Variants in FHIT observed in about 807,000 individuals in gnomAD.
The protein encoded by FHIT is fragile histidine triad diadenosine triphosphatase.
A neutral mutation model predicts 17.9 loss-of-function variants in FHIT; 19 were observed. That is an observed-to-expected ratio of 1.06 (90% CI 0.74 to 1.56). The LOEUF (loss-of-function observed/expected upper bound fraction) is 1.56, where lower values mean the gene tolerates loss of function less well. Ranked by LOEUF, FHIT falls within the 40% of genes most tolerant of loss-of-function variation. The pLI is 0.00. For synonymous variants in FHIT, 81 were observed against 69.7 expected (o/e 1.16, Z -0.81); for missense variants, 248 against 189.2 (o/e 1.31, Z -1.82).
chr3:60,062,453 A>G (rs999794758), intron 5 of FHIT, among the ~76,000 whole-genome samples: 1 of 152,198 alleles, frequency 6.6e-6, no homozygotes, highest in African/African-American at 2.4e-5. Flanking sequence ...TCCAACATTT[A>G]AAACAATCCA....
chr3:61,123,706 C>A (rs754722681), intron 2 of FHIT, among the ~76,000 whole-genome samples: 1 of 152,106 alleles, frequency 6.6e-6, no homozygotes, highest in Non-Finnish European at 1.5e-5. Context: ...GCAACATTTA[C>A]TCCCTTAGTG....
chr3:61,232,429 C>T (rs1236207081), intron 1 of FHIT, among the ~76,000 whole-genome samples: 2 of 152,146 alleles, frequency 1.3e-5, no homozygotes, highest in South Asian at 2.1e-4. Context: ...ATACAATGGA[C>T]ACAGCACTCT....
At chr3:60,119,243 T>A (rs1705134802) in intron 5 of FHIT, among the ~76,000 whole-genome samples, 2 of 151,662 alleles carry the variant, frequency 1.3e-5, no homozygotes, top group African/African-American at 2.4e-5. Context: ...CCAGCTAATT[T>A]TTTATTTTTT....
At chr3:60,380,227 G>A (rs1422208037) in intron 5 of FHIT, among the ~76,000 whole-genome samples, 6 of 152,166 alleles carry the variant, frequency 3.9e-5, no homozygotes, top group Non-Finnish European at 2.9e-5. Context: ...ATGGTAATGA[G>A]TGGGTTCTCA....
intron 7 of FHIT, among the ~76,000 whole-genome samples, chr3:60,008,570 A>G (rs541490642): frequency 3.3e-5 from 5 of 152,266 alleles, no homozygotes; most frequent in Admixed American, 1.3e-4. Flanking sequence ...GGAAAAGACC[A>G]TTACTGGGCT....
intron 2 of FHIT, among the ~76,000 whole-genome samples, chr3:61,104,482 C>G (rs989764811): frequency 6.6e-6 from 1 of 152,146 alleles, no homozygotes; most frequent in Admixed American, 6.5e-5. Context: ...TGACCTTTCT[C>G]TCTAGCTGCC....
At chr3:61,221,884 G>A (rs1004771271) in intron 1 of FHIT, among the ~76,000 whole-genome samples, 7 of 152,208 alleles carry the variant, frequency 4.6e-5, no homozygotes, top group Admixed American at 2.0e-4. Flanking sequence ...GACTGACCCA[G>A]CCTTGGGGGT....
intron 5 of FHIT, among the ~76,000 whole-genome samples, chr3:60,214,835 TA>T (rs36035542): frequency 0.13 from 19,552 of 151,824 alleles, 1,345 homozygotes; most frequent in African/African-American, 0.18. Flanking sequence ...TATGCAGCTG[TA>T]AAAAAAAGAA....
At position 60,224,909 on chromosome 3, in the gene FHIT, C is replaced by T. The variant is rs553229972; in HGVS notation, c.104-210757G>A. ...CTAATTTTTGTATTTTTAGTAGAGA[C>T]GGGGTTTCACCATTTTGGCCAGACT... On this transcript the variant is annotated intron_variant, in intron 5 of 9. Coordinates refer to ENST00000492590, the MANE Select transcript of FHIT (RefSeq NM_002012.4). Among the ~76,000 whole-genome samples the T allele has an allele frequency of 5.9e-5, 9 of 151,738 alleles. No individual in the cohort carries two copies. The East Asian group carries it at 1.2e-3, about 20-fold the overall frequency.
chr3:59,809,281 G>A (rs767791841), intron 8 of FHIT, among the ~76,000 whole-genome samples: 9 of 152,170 alleles, frequency 5.9e-5, no homozygotes, highest in Admixed American at 6.5e-5. Context: ...GGACATCAAC[G>A]GAGGGCAGAA....
chr3:60,447,767 T>C (rs1303447481), intron 5 of FHIT, among the ~76,000 whole-genome samples: 1 of 152,164 alleles, frequency 6.6e-6, no homozygotes, highest in Non-Finnish European at 1.5e-5. Flanking sequence ...TAATTCACCC[T>C]TGAAGCAAAG....
intron 3 of FHIT, among the ~76,000 whole-genome samples, chr3:61,016,519 T>C (rs576287309): frequency 6.6e-6 from 1 of 152,348 alleles, no homozygotes; most frequent in Non-Finnish European, 1.5e-5. Flanking sequence ...TTATGTTGCC[T>C]GGTGTCCTAA....
chr3:60,459,817 A>G (rs999341940), intron 5 of FHIT, among the ~76,000 whole-genome samples: 3 of 152,218 alleles, frequency 2.0e-5, no homozygotes, highest in Non-Finnish European at 4.4e-5. Context: ...AAAAACAAGA[A>G]AACACATGGA....
intron 3 of FHIT, among the ~76,000 whole-genome samples, chr3:60,890,383 T>C (rs1476400772): frequency 4.6e-5 from 7 of 152,278 alleles, no homozygotes; most frequent in African/African-American, 1.2e-4. Flanking sequence ...AGCCTAGTGA[T>C]TGACCCAGCC....
rs371612370 is a variant in FHIT, at chr3:60,536,812, C to G, written c.103+48G>C. ...ATTTATATTCATTTGGCTGGTTAGG[C>G]TCAGAAGACTTTTATTTTCCCTCTC... On this transcript the variant is annotated intron_variant, in intron 5 of 9. Transcript: ENST00000492590. 203 of 1,551,824 alleles carry G rather than the reference C, an allele frequency of 1.3e-4. 1 individual carries two copies. In the African/African-American group the frequency reaches 1.9e-3, roughly 15 times the overall value.
intron 4 of FHIT, among the ~76,000 whole-genome samples, chr3:60,653,204 G>A (rs2040036563): frequency 6.6e-6 from 1 of 152,036 alleles, no homozygotes; most frequent in African/African-American, 2.4e-5. Context: ...ACAGTTTAGG[G>A]GAAAGACACA....
At chr3:59,942,726 G>C (rs1706587677) in intron 7 of FHIT, among the ~76,000 whole-genome samples, 1 of 152,032 alleles carries the variant, frequency 6.6e-6, no homozygotes, top group Admixed American at 6.6e-5. Context: ...ATAGCTCTCT[G>C]CAGCCTCTAC....
intron 8 of FHIT, among the ~76,000 whole-genome samples, chr3:59,838,403 A>G (rs1397320150): frequency 1.3e-5 from 2 of 152,174 alleles, no homozygotes; most frequent in Admixed American, 1.3e-4. Context: ...AACCACATTT[A>G]TTCCCTCACC....
At chr3:60,222,493 T>C (rs1405082271) in intron 5 of FHIT, among the ~76,000 whole-genome samples, 1 of 152,116 alleles carries the variant, frequency 6.6e-6, no homozygotes, top group Non-Finnish European at 1.5e-5. Context: ...TTCTTGCCAT[T>C]AAAAGTAATG....
Sources: allele counts gnomAD v4.1 joint callset (sites outside exome capture counted in the v4.1 genomes callset), GRCh38; gene constraint gnomAD v4.1.1; transcripts MANE v1.5; gene names NCBI Gene and HGNC (gene_info 2026-07-23, HGNC 2026-07-21).